The following SLC6A13 variants were observed in gnomAD, a reference collection of about 807,000 sequenced individuals.
The protein encoded by SLC6A13 is sodium- and chloride-dependent GABA transporter 2.
Under a neutral mutation model 72.9 loss-of-function variants are expected in SLC6A13, and 69 were observed. The observed-to-expected ratio is 0.95, with a 90% CI of 0.78 to 1.16. SLC6A13 has a LOEUF of 1.16. Among genes scored for constraint, SLC6A13 ranks in the 50% most tolerant of loss-of-function variants. The probability of loss-of-function intolerance (pLI) is 0.00; values close to 1 mark genes in which losing one functional copy is unlikely to be tolerated. For synonymous variants in SLC6A13, 303 were observed against 303.0 expected, an observed-to-expected ratio of 1.00 and a Z score of 0.00; for missense variants, 735 against 760.5, an observed-to-expected ratio of 0.97 and a Z score of 0.39.
In SLC6A13 at chr12:242,630, G is replaced by C; in HGVS notation, c.462C>G (p.Tyr154Ter). The change falls in exon 4 of 15, where the codon TAC becomes TAG. Residue 154 changes from tyrosine (Y) to a stop codon, truncating the protein, a stop_gained. Coordinates refer to ENST00000343164, the MANE Select transcript of SLC6A13 (RefSeq NM_016615.5). LOFTEE classifies it high-confidence loss of function. ...FTIDLPWGGC[Y>*]HEWNTEHCME... Reference sequence around the variant, plus strand: ...GGACCATACCTGTGTTCCACTCATGGTAGCAGCCGCCCCAGGGCAGGTCGA... The same window carrying C: ...GGACCATACCTGTGTTCCACTCATGCTAGCAGCCGCCCCAGGGCAGGTCGA... 6.2e-7 allele frequency: 1 copy of C among 1,613,806 alleles called. No homozygotes were observed. The highest frequency in any genetic ancestry group is 8.5e-7 in the Non-Finnish European group (1 of 1,179,840).
At chr12:230,249 G>T (rs909996045) in intron 7 of SLC6A13, among the ~76,000 whole-genome samples, 10 of 152,198 alleles carry the variant, frequency 6.6e-5, no homozygotes, top group African/African-American at 2.4e-4. Context: ...TGGGTGGAAC[G>T]CAGGTAAAAG....
At chr12:238,287 C>T (rs1942017535) in intron 4 of SLC6A13, 14 of 1,430,656 alleles carry the variant, frequency 9.8e-6, no homozygotes, top group Non-Finnish European at 1.2e-5. Context: ...CTCTTCAGGT[C>T]AGCTGCTTCA....
intron 7 of SLC6A13, among the ~76,000 whole-genome samples, chr12:233,249 G>A (rs913336441): frequency 6.6e-6 from 1 of 152,124 alleles, no homozygotes; most frequent in Non-Finnish European, 1.5e-5. Flanking sequence ...AGGGCCTCTG[G>A]GGCGGAGCTT....
rs60144984 is a variant in SLC6A13, at chr12:257,195, CA to C, written c.202+2655del. The C allele has an allele frequency of 1.9e-3, 266 of 139,188 alleles. 1 individual carries two copies. Among genetic ancestry groups the C allele is most frequent in the African/African-American group, 3.9e-3 (149 of 38,294 alleles). The allele number at this position is 139,188 out of a possible 1,614,324, so 8.6% of individuals were successfully genotyped here. ...AGAAAGTTTAAACTGCTGAGAACACCAAAAAAAAAAAACAGAAAAATAGGCA... is the reference window on the plus strand; with the variant it reads ...AGAAAGTTTAAACTGCTGAGAACACCAAAAAAAAAAACAGAAAAATAGGCA... On this transcript the variant is annotated intron_variant, in intron 2 of 14. Coordinates refer to ENST00000343164, the MANE Select transcript of SLC6A13 (RefSeq NM_016615.5).
At chr12:232,656 G>A (rs573129232) in intron 7 of SLC6A13, among the ~76,000 whole-genome samples, 27 of 152,298 alleles carry the variant, frequency 1.8e-4, no homozygotes, top group African/African-American at 5.5e-4. Flanking sequence ...CGTACCCTGC[G>A]TGGACATGAG....
intron 7 of SLC6A13, among the ~76,000 whole-genome samples, chr12:233,007 C>T (rs1468826163): frequency 6.6e-6 from 1 of 152,266 alleles, no homozygotes; most frequent in Non-Finnish European, 1.5e-5. Context: ...CTGTCAGCAA[C>T]ATCAGTGAAT....
chr12:239,995 C>T (rs190660007), intron 4 of SLC6A13, among the ~76,000 whole-genome samples: 54 of 152,094 alleles, frequency 3.6e-4, no homozygotes, highest in African/African-American at 1.3e-3. Flanking sequence ...CCAGGCAATC[C>T]AAAGGAAGGT....
chr12:256,154 C>T (rs1385069826), intron 2 of SLC6A13, among the ~76,000 whole-genome samples: 1 of 152,096 alleles, frequency 6.6e-6, no homozygotes, highest in Non-Finnish European at 1.5e-5. Context: ...TCATTTATCC[C>T]ATTTATTGTG....
At chr12:253,470 A>T (rs1416827752) in intron 2 of SLC6A13, 1 of 152,206 alleles carries the variant, frequency 6.6e-6, no homozygotes, top group Non-Finnish European at 1.5e-5. Flanking sequence ...ATTCTCTGCT[A>T]TCTATAAACA....
chr12:238,531 A>G (rs1291373447), intron 4 of SLC6A13, among the ~76,000 whole-genome samples: 1 of 152,230 alleles, frequency 6.6e-6, no homozygotes, highest in African/African-American at 2.4e-5. Context: ...CGTAGGATTG[A>G]TAAGAAATTA....
In SLC6A13 at chr12:225,605, A is replaced by G. The variant is rs371046859; in HGVS notation, c.1060+785T>C. On this transcript the variant is annotated intron_variant, in intron 9 of 14. Transcript: ENST00000343164. ...GCGGAGGTTGCAGTGAGCCGAGATCATGTCACTGCACTCCAGCCTGAGTGA... is the reference window on the plus strand; with the variant it reads ...GCGGAGGTTGCAGTGAGCCGAGATCGTGTCACTGCACTCCAGCCTGAGTGA... Among the ~76,000 whole-genome samples, 10 of 151,978 alleles carry G rather than the reference A, an allele frequency of 6.6e-5. No homozygotes were observed. The South Asian group carries it at 2.1e-3, about 32-fold the overall frequency.
At chr12:230,940 T>G (rs779239366) in intron 7 of SLC6A13, among the ~76,000 whole-genome samples, 23 of 152,224 alleles carry the variant, frequency 1.5e-4, no homozygotes, top group Non-Finnish European at 3.2e-4. Flanking sequence ...TAGATTGGAT[T>G]TCAATACTAA....
intron 6 of SLC6A13, among the ~76,000 whole-genome samples, chr12:235,938 A>G (rs546984738): frequency 6.6e-6 from 1 of 152,134 alleles, no homozygotes; most frequent in Non-Finnish European, 1.5e-5. Context: ...CTCCTGCAGT[A>G]CCCTCAGGTT....
At chr12:227,953 G>A (rs1245477558) in intron 7 of SLC6A13, among the ~76,000 whole-genome samples, 1 of 152,146 alleles carries the variant, frequency 6.6e-6, no homozygotes, top group Non-Finnish European at 1.5e-5. Flanking sequence ...AGGAGGGTGG[G>A]ACAGGGCTCT....
At chr12:236,511 C>T (rs1250854291) in intron 6 of SLC6A13, among the ~76,000 whole-genome samples, 1 of 152,234 alleles carries the variant, frequency 6.6e-6, no homozygotes, top group East Asian at 1.9e-4. Context: ...CCCCTCTTCC[C>T]TTCCTCCCTC....
At chr12:260,402 G>A (rs563535953) in intron 1 of SLC6A13, among the ~76,000 whole-genome samples, 8 of 152,288 alleles carry the variant, frequency 5.3e-5, no homozygotes, top group Non-Finnish European at 7.4e-5. Flanking sequence ...AGTCAGCCTC[G>A]TCGGGATTAG....
rs1025476703 is a variant in SLC6A13, at chr12:262,641, A to G, written c.-6+148T>C. On this transcript the variant is annotated intron_variant, in intron 1 of 14. Coordinates refer to ENST00000343164, the MANE Select transcript of SLC6A13 (RefSeq NM_016615.5). ...CAGAAAGTCAAGAAAATAGCACATA[A>G]TCTTTGCATTTGCACACATACATGT... 1.7e-5 allele frequency: 17 copies of G among 974,638 alleles called. No individual in the cohort carries two copies. In the African/African-American group the frequency reaches 2.8e-4, roughly 16 times the overall value. The allele number at this position is 974,638 out of a possible 1,614,324, so 60.4% of individuals were successfully genotyped here.
At chr12:225,007 G>A (rs1941382156) in intron 9 of SLC6A13, among the ~76,000 whole-genome samples, 1 of 152,230 alleles carries the variant, frequency 6.6e-6, no homozygotes, top group South Asian at 2.1e-4. Flanking sequence ...GGCCAGAGTT[G>A]GCCTCCAGTT....
chr12:226,635 A>G, intron 8 of SLC6A13, 121 bp from the exon 9 acceptor site: 1 of 1,280,998 alleles, frequency 7.8e-7, no homozygotes, highest in Non-Finnish European at 1.0e-6. Flanking sequence ...CCCTTCACGG[A>G]CGCCGGAGCA....
Sources: gnomAD v4.1 joint callset for allele counts (sites outside exome capture counted in the v4.1 genomes callset) on GRCh38, gnomAD v4.1.1 for gene constraint, MANE v1.5 for transcripts, NCBI Gene and HGNC (gene_info 2026-07-23, HGNC 2026-07-21) for gene names.